Variants in SCHIP1 observed in about 807,000 individuals in gnomAD.
SCHIP1 encodes the protein schwannomin interacting protein 1, also known as schwannomin-interacting protein 1.
A neutral mutation model predicts 29.7 loss-of-function variants in SCHIP1; 8 were observed. That is an observed-to-expected ratio of 0.27 (90% CI 0.16 to 0.49). SCHIP1 has a LOEUF of 0.49. SCHIP1 is among the 20% of genes least tolerant of loss of function. The pLI is 0.99. For synonymous variants in SCHIP1, 76 were observed against 94.9 expected (o/e 0.80, Z 1.16); for missense variants, 193 against 294.6 (o/e 0.66, Z 2.52).
At chr3:159,311,241 A>C in the SCHIP1 span, among the ~76,000 whole-genome samples, 1 of 152,202 alleles carries the variant, frequency 6.6e-6, no homozygotes, top group Non-Finnish European at 1.5e-5. Context: ...TCTTAAAGCT[A>C]TCTCTAAGGA....
chr3:159,284,963 T>C, the SCHIP1 span, among the ~76,000 whole-genome samples: 3 of 152,216 alleles, frequency 2.0e-5, no homozygotes, highest in South Asian at 2.1e-4. Context: ...ATTTTCTTTA[T>C]ATTGTAAAGA....
chr3:159,351,537 A>AGTCT, the SCHIP1 span, among the ~76,000 whole-genome samples: 1 of 152,088 alleles, frequency 6.6e-6, no homozygotes, highest in East Asian at 1.9e-4. Context: ...TAGTGCTACC[A>AGTCT]GTCTTTTTAT....
At chr3:159,738,259 A>AT in the SCHIP1 span, among the ~76,000 whole-genome samples, 15 of 152,108 alleles carry the variant, frequency 9.9e-5, no homozygotes, top group South Asian at 6.2e-4. Flanking sequence ...TTACAAAAAA[A>AT]AAAAATAAAG....
the SCHIP1 span, among the ~76,000 whole-genome samples, chr3:159,305,905 C>T: frequency 6.6e-6 from 1 of 152,202 alleles, no homozygotes; most frequent in South Asian, 2.1e-4. Flanking sequence ...TTTCACTTGT[C>T]TTTCCCTTCA....
At chr3:159,355,741 A>G in the SCHIP1 span, among the ~76,000 whole-genome samples, 1 of 150,764 alleles carries the variant, frequency 6.6e-6, no homozygotes, top group Non-Finnish European at 1.5e-5. Flanking sequence ...GCCATTTTCT[A>G]CGTTACTATT....
the SCHIP1 span, among the ~76,000 whole-genome samples, chr3:159,331,746 A>C: frequency 6.6e-6 from 1 of 152,126 alleles, no homozygotes; most frequent in Non-Finnish European, 1.5e-5. Context: ...TAGCCTCTTG[A>C]CTTTCTCTCT....
the SCHIP1 span, among the ~76,000 whole-genome samples, chr3:159,752,908 C>T: frequency 4.6e-5 from 7 of 152,210 alleles, no homozygotes; most frequent in South Asian, 4.1e-4. Context: ...TGTGTCACAA[C>T]GTATGTAAAC....
At chr3:159,805,557 C>A in the SCHIP1 span, among the ~76,000 whole-genome samples, 2 of 152,194 alleles carry the variant, frequency 1.3e-5, no homozygotes, top group Non-Finnish European at 2.9e-5. Context: ...TCAGAACACT[C>A]TCTGTAGTCC....
At chr3:159,522,729 C>T in the SCHIP1 span, among the ~76,000 whole-genome samples, 10 of 152,046 alleles carry the variant, frequency 6.6e-5, no homozygotes, top group Non-Finnish European at 1.3e-4. Flanking sequence ...ATTAGCCGGG[C>T]GTGGTGGCGC....
chr3:159,859,924 T>G (rs1486231449), intron 1 of SCHIP1, among the ~76,000 whole-genome samples: 2 of 152,192 alleles, frequency 1.3e-5, no homozygotes, highest in African/African-American at 4.8e-5. Flanking sequence ...GGTAATCCTC[T>G]TGCACAGTCA....
At chr3:159,356,021 T>C in the SCHIP1 span, among the ~76,000 whole-genome samples, 7 of 152,204 alleles carry the variant, frequency 4.6e-5, no homozygotes, top group South Asian at 1.5e-3. Flanking sequence ...GGTCAAATGG[T>C]ATTTCTAGTT....
the SCHIP1 span, among the ~76,000 whole-genome samples, chr3:159,546,323 CATA>C: frequency 2.0e-5 from 3 of 152,008 alleles, no homozygotes; most frequent in Admixed American, 2.0e-4. Context: ...AGAGAACAGA[CATA>C]ATATTTTAGC....
the SCHIP1 span, among the ~76,000 whole-genome samples, chr3:159,684,282 T>C: frequency 6.6e-6 from 1 of 152,212 alleles, no homozygotes; most frequent in African/African-American, 2.4e-5. Flanking sequence ...CCCTGCCTTC[T>C]GTTCACTCTG....
chr3:159,336,087 A>G, the SCHIP1 span, among the ~76,000 whole-genome samples: 1 of 152,206 alleles, frequency 6.6e-6, no homozygotes, highest in South Asian at 2.1e-4. Context: ...CATTTCTCTG[A>G]TGGCCAGTGA....
chr3:159,737,934 C>T, the SCHIP1 span, among the ~76,000 whole-genome samples: 44,230 of 151,910 alleles, frequency 0.29, 6,740 homozygotes, highest in African/African-American at 0.39. Context: ...CCACATGATG[C>T]TTTGCCTTGT....
At chr3:159,316,151 A>C in the SCHIP1 span, among the ~76,000 whole-genome samples, 2 of 152,084 alleles carry the variant, frequency 1.3e-5, no homozygotes, top group African/African-American at 4.8e-5. Context: ...AATCCATATT[A>C]GTCAGGGTTC....
the SCHIP1 span, among the ~76,000 whole-genome samples, chr3:159,691,658 A>G: frequency 6.6e-6 from 1 of 151,960 alleles, no homozygotes. Context: ...CTAGCTGGTT[A>G]TTTTGCCCAT....
intron 5 of SCHIP1, among the ~76,000 whole-genome samples, chr3:159,891,142 CG>C (rs1717488608): frequency 6.6e-6 from 1 of 151,986 alleles, no homozygotes; most frequent in South Asian, 2.1e-4. Flanking sequence ...GAGGCCGAGG[CG>C]GGCAGATCAC....
the SCHIP1 span, among the ~76,000 whole-genome samples, chr3:159,559,555 C>A: frequency 6.6e-6 from 1 of 152,132 alleles, no homozygotes; most frequent in Non-Finnish European, 1.5e-5. Context: ...GATTTTAATG[C>A]AAAATTTACA....
Sources: gnomAD v4.1 joint callset for allele counts (sites outside exome capture counted in the v4.1 genomes callset) on GRCh38, gnomAD v4.1.1 for gene constraint, MANE v1.5 for transcripts, NCBI Gene and HGNC (gene_info 2026-07-23, HGNC 2026-07-21) for gene names.